CHODL: variants seen among roughly 807,000 people sequenced by gnomAD.
CHODL encodes transmembrane protein MT75.
Under a neutral mutation model 34.5 loss-of-function variants are expected in CHODL, and 29 were observed. That is an observed-to-expected ratio of 0.84 (90% CI 0.63 to 1.15). The LOEUF (loss-of-function observed/expected upper bound fraction) is 1.15, where lower values mean the gene tolerates loss of function less well. CHODL is among the 50% of genes most tolerant of loss of function. The pLI is 0.00. For synonymous variants in CHODL, 125 were observed against 116.1 expected, an observed-to-expected ratio of 1.08 and a Z score of -0.49; for missense variants, 332 against 332.5, an observed-to-expected ratio of 1.00 and a Z score of 0.01.
chr21:18,177,270 T>C (rs991876430), intron 2 of CHODL, among the ~76,000 whole-genome samples: 6 of 152,042 alleles, frequency 3.9e-5, no homozygotes, highest in Non-Finnish European at 8.8e-5. Flanking sequence ...GTAAACCTAT[T>C]TTGTGGTTTA....
At chr21:18,260,117 TTATAA>T (rs551713977) in intron 3 of CHODL, 78 bp from the exon 4 acceptor site, 36 of 484,910 alleles carry the variant, frequency 7.4e-5, no homozygotes, top group South Asian at 1.6e-4. Context: ...TGTTTTTATT[TTATAA>T]TATAATTTCA....
At chr21:18,232,529 C>G (rs1464341665) in intron 2 of CHODL, among the ~76,000 whole-genome samples, 2 of 151,672 alleles carry the variant, frequency 1.3e-5, no homozygotes, top group African/African-American at 4.9e-5. Flanking sequence ...GAGAGGGGAG[C>G]TCCCTGACCT....
intron 2 of CHODL, among the ~76,000 whole-genome samples, chr21:18,230,597 A>G (rs559087863): frequency 6.6e-6 from 1 of 152,258 alleles, no homozygotes; most frequent in Admixed American, 6.5e-5. Context: ...AATATTAGAA[A>G]CAAAGTGAAG....
chr21:18,210,043 G>T (rs1490253070), intron 2 of CHODL, among the ~76,000 whole-genome samples: 1 of 152,262 alleles, frequency 6.6e-6, no homozygotes, highest in East Asian at 1.9e-4. Context: ...TCTGAGCCCC[G>T]CACAACACCA....
At chr21:18,108,087 T>C (rs2065296112) in intron 2 of CHODL, among the ~76,000 whole-genome samples, 1 of 152,188 alleles carries the variant, frequency 6.6e-6, no homozygotes, top group Non-Finnish European at 1.5e-5. Context: ...TGTGGGATTG[T>C]ACACAATCTT....
At chr21:18,066,937 T>C (rs942299409) in intron 2 of CHODL, among the ~76,000 whole-genome samples, 12 of 152,132 alleles carry the variant, frequency 7.9e-5, no homozygotes, top group South Asian at 2.1e-4. Context: ...AAACCAGACC[T>C]GATGACACCT....
At chr21:17,940,105 G>T (rs1308666810) in intron 1 of CHODL, among the ~76,000 whole-genome samples, 2 of 152,024 alleles carry the variant, frequency 1.3e-5, no homozygotes, top group Non-Finnish European at 2.9e-5. Context: ...ATATTTCATT[G>T]GCCCAGAAAG....
chr21:18,069,190 A>G (rs2064767029), intron 2 of CHODL, among the ~76,000 whole-genome samples: 1 of 152,166 alleles, frequency 6.6e-6, no homozygotes, highest in Non-Finnish European at 1.5e-5. Context: ...AATAATAATA[A>G]AAGGTTTCTA....
chr21:18,125,936 T>C (rs1188202849), intron 2 of CHODL, among the ~76,000 whole-genome samples: 1 of 152,172 alleles, frequency 6.6e-6, no homozygotes, highest in Non-Finnish European at 1.5e-5. Context: ...TAAAATGCTA[T>C]CAAACAGTAT....
At chr21:18,262,967 G>A in intron 5 of CHODL, 74 bp downstream of exon 5, 1 of 814,386 alleles carries the variant, frequency 1.2e-6, no homozygotes, top group South Asian at 1.5e-5. Flanking sequence ...AAAACTATTA[G>A]CATAAAGTTA....
Position 18,256,558 on chromosome 21 carries a change from C to T in CHODL, c.129C>T (p.Ala43=), listed in dbSNP as rs1212820843. 1 of 1,613,718 alleles carries T rather than the reference C, an allele frequency of 6.2e-7. No homozygotes were observed. The highest frequency in any genetic ancestry group is 2.2e-5 in the East Asian group (1 of 44,878). ...TCAAGCATCCCTGCTACAAAATGGC[C>T]TACTTCCATGAACTGTCCAGCCGAG... ...ADFKHPCYKM[A]YFHELSSRVS... is the part of the protein sequence containing the mutation. The change falls in exon 2 of 6, where the codon GCC becomes GCT. Residue 43 remains alanine, a synonymous_variant. Transcript: ENST00000299295.
At chr21:18,157,719 C>T (rs1164158103) in intron 2 of CHODL, among the ~76,000 whole-genome samples, 1 of 152,158 alleles carries the variant, frequency 6.6e-6, no homozygotes, top group Admixed American at 6.5e-5. Context: ...ATTATATTGG[C>T]TAGACCTAAG....
intron 2 of CHODL, among the ~76,000 whole-genome samples, chr21:18,175,103 G>C (rs1055118845): frequency 6.6e-6 from 1 of 152,092 alleles, no homozygotes; most frequent in African/African-American, 2.4e-5. Context: ...GTATGAACTG[G>C]TTATTATCTT....
intron 2 of CHODL, among the ~76,000 whole-genome samples, chr21:18,115,672 T>C (rs893132335): frequency 2.6e-5 from 4 of 152,268 alleles, no homozygotes; most frequent in African/African-American, 7.2e-5. Context: ...ACGTTTTCAC[T>C]GTGCACTTAA....
intron 2 of CHODL, among the ~76,000 whole-genome samples, chr21:18,058,521 T>C: frequency 6.6e-6 from 1 of 151,740 alleles, no homozygotes; most frequent in Non-Finnish European, 1.5e-5. Context: ...AATAATGAAA[T>C]CCTGTCATTC....
At chr21:17,947,864 C>A (rs1026536057) in intron 1 of CHODL, among the ~76,000 whole-genome samples, 1 of 152,100 alleles carries the variant, frequency 6.6e-6, no homozygotes, top group African/African-American at 2.4e-5. Context: ...TATATTTTTG[C>A]AGCACTATTT....
At chr21:18,154,255 G>A (rs17002405) in intron 2 of CHODL, among the ~76,000 whole-genome samples, 24,874 of 151,776 alleles carry the variant, frequency 0.16, 2,187 homozygotes, top group East Asian at 0.23. Context: ...TATTTATATC[G>A]TTGTTATTTG....
intron 1 of CHODL, among the ~76,000 whole-genome samples, chr21:18,003,959 C>T (rs1427708195): frequency 6.6e-6 from 1 of 152,172 alleles, no homozygotes; most frequent in African/African-American, 2.4e-5. Context: ...CCCCATCAGA[C>T]ATTATTTTAT....
intron 1 of CHODL, among the ~76,000 whole-genome samples, chr21:18,248,986 A>G: frequency 8.9e-6 from 1 of 111,978 alleles, no homozygotes. Flanking sequence ...AATATATATT[A>G]TACATATATG....
Sources: gnomAD v4.1 joint callset for allele counts (sites outside exome capture counted in the v4.1 genomes callset) on GRCh38, gnomAD v4.1.1 for gene constraint, MANE v1.5 for transcripts, NCBI Gene and HGNC (gene_info 2026-07-23, HGNC 2026-07-21) for gene names.